Variants in SNX16 observed in about 807,000 individuals in gnomAD.
The protein encoded by SNX16 is sorting nexin-16.
In SNX16, 35 loss-of-function variants were observed where a neutral mutation model predicts 36.7. The ratio of observed to expected loss-of-function variants is 0.95; its 90% CI spans 0.73 to 1.27. The LOEUF (loss-of-function observed/expected upper bound fraction) is 1.27, where lower values mean the gene tolerates loss of function less well. Among genes scored for constraint, SNX16 ranks in the 50% most tolerant of loss-of-function variants. The pLI, the probability that SNX16 is intolerant of heterozygous loss-of-function variation, is 0.00. For synonymous variants in SNX16, 134 were observed against 132.0 expected (o/e 1.02, Z -0.10); for missense variants, 367 against 393.6 (o/e 0.93, Z 0.57).
intron 5 of SNX16, among the ~76,000 whole-genome samples, chr8:81,803,839 G>C (rs1809815332): frequency 6.6e-6 from 1 of 151,672 alleles, no homozygotes. Context: ...CATCAAGAAA[G>C]ATTGTTTGTC....
chr8:81,834,973 A>G (rs542484620), intron 2 of SNX16, among the ~76,000 whole-genome samples: 2 of 152,308 alleles, frequency 1.3e-5, no homozygotes, highest in African/African-American at 4.8e-5. Flanking sequence ...TCCCTTCCAC[A>G]CAGCCCTAGC....
chr8:81,800,349 T>C lies in SNX16; in HGVS notation c.*1148A>G, dbSNP rs932308836. On this transcript the variant is annotated 3_prime_UTR_variant, in exon 8 of 8. Coordinates refer to ENST00000345957, the MANE Select transcript of SNX16 (RefSeq NM_152836.3). Reference sequence around the variant, plus strand: ...TAAAAATGAAACAAGGCACTTTTAATGACTGTACACAAAGCTGAAATAAAC... The same window carrying C: ...TAAAAATGAAACAAGGCACTTTTAACGACTGTACACAAAGCTGAAATAAAC... 1 of 152,002 alleles carries C rather than the reference T, an allele frequency of 6.6e-6. No homozygotes were observed. The highest frequency in any genetic ancestry group is 1.5e-5 in the Non-Finnish European group (1 of 67,754). 9.4% of individuals were successfully genotyped at this position (152,002 alleles called of 1,614,324 possible).
rs1382328988 is a variant in SNX16 at position 81,827,143 on chromosome 8, G to GT, written c.462+2286_462+2287insA. On this transcript the variant is annotated intron_variant, in intron 3 of 7. Transcript: ENST00000345957. The stretch of plus-strand genomic sequence containing the variant: ...ATTAATTTTAAATGCCCATCTTGGA[G>GT]GATCAAGGAGATATTTACTAAATTT... 2.9e-3 allele frequency among the ~76,000 whole-genome samples: 447 copies of GT among 152,116 alleles called. 2 individuals are homozygous for GT. Among genetic ancestry groups the GT allele is most frequent in the African/African-American group, 0.01 (432 of 41,516 alleles).
intron 3 of SNX16, among the ~76,000 whole-genome samples, chr8:81,825,639 T>G (rs1810980883): frequency 6.6e-6 from 1 of 152,184 alleles, no homozygotes; most frequent in Admixed American, 6.5e-5. Flanking sequence ...CAACAATATA[T>G]GTTCAATAAA....
intron 5 of SNX16, among the ~76,000 whole-genome samples, chr8:81,805,213 TA>T (rs1379898709): frequency 1.3e-5 from 2 of 151,772 alleles, no homozygotes; most frequent in Admixed American, 1.3e-4. Flanking sequence ...GCAAATAGAC[TA>T]AAAAACAGTC....
intron 2 of SNX16, among the ~76,000 whole-genome samples, chr8:81,838,947 G>A (rs955100837): frequency 6.6e-6 from 1 of 151,878 alleles, no homozygotes; most frequent in South Asian, 2.1e-4. Context: ...CAAAAATCAT[G>A]CACAGATATT....
intron 2 of SNX16, 100 bp from the exon 3 acceptor site, chr8:81,829,616 G>C (rs1811163337): frequency 4.7e-6 from 2 of 422,248 alleles, no homozygotes; most frequent in Non-Finnish European, 8.2e-6. Flanking sequence ...TGATAACCCA[G>C]ACTATAACAA....
chr8:81,831,809 TA>T (rs948612359), intron 2 of SNX16, among the ~76,000 whole-genome samples: 6 of 146,418 alleles, frequency 4.1e-5, no homozygotes, highest in South Asian at 2.1e-4. Context: ...CTAAGAAACA[TA>T]AAAAAAATGC....
At chr8:81,805,039 T>C (rs1809868914) in intron 5 of SNX16, among the ~76,000 whole-genome samples, 1 of 152,080 alleles carries the variant, frequency 6.6e-6, no homozygotes. Flanking sequence ...ATGATGAACA[T>C]ATATTGAACT....
At chr8:81,814,794 C>A (rs1810405459) in intron 5 of SNX16, 2 of 152,052 alleles carry the variant, frequency 1.3e-5, no homozygotes, top group African/African-American at 4.8e-5. Context: ...AAAAAACTTG[C>A]ATAAAATCCT....
At chr8:81,808,128 T>A in intron 5 of SNX16, 2 of 1,255,474 alleles carry the variant, frequency 1.6e-6, no homozygotes, top group Non-Finnish European at 2.3e-6. Flanking sequence ...CTGAAGAACA[T>A]CACCTAAGAG....
At chr8:81,820,589 A>ACC (rs200785452) in intron 4 of SNX16, among the ~76,000 whole-genome samples, 5,163 of 152,046 alleles carry the variant, frequency 0.034, 140 homozygotes, top group Non-Finnish European at 0.052. Context: ...CAGACTTTCT[A>ACC]TATACTTTCT....
chr8:81,827,983 T>C (rs1043912745), intron 3 of SNX16, among the ~76,000 whole-genome samples: 3 of 152,152 alleles, frequency 2.0e-5, no homozygotes, highest in Non-Finnish European at 4.4e-5. Flanking sequence ...TTCCAAAATA[T>C]CACACCCTCT....
At chr8:81,819,893 A>G (rs1810656797) in intron 4 of SNX16, among the ~76,000 whole-genome samples, 2 of 152,092 alleles carry the variant, frequency 1.3e-5, no homozygotes, top group African/African-American at 2.4e-5. Context: ...GAGAATATGT[A>G]GCATTAAGGG....
At chr8:81,829,860 G>A (rs1304478660) in intron 2 of SNX16, among the ~76,000 whole-genome samples, 1 of 152,036 alleles carries the variant, frequency 6.6e-6, no homozygotes. Flanking sequence ...AGCCACTTTT[G>A]TTCTACACAA....
intron 5 of SNX16, among the ~76,000 whole-genome samples, chr8:81,811,931 T>C (rs909300943): frequency 2.0e-5 from 3 of 151,966 alleles, no homozygotes; most frequent in Non-Finnish European, 4.4e-5. Context: ...ATGATAAGGA[T>C]AATGATAATG....
At chr8:81,804,403 G>A (rs1809842614) in intron 5 of SNX16, among the ~76,000 whole-genome samples, 1 of 151,968 alleles carries the variant, frequency 6.6e-6, no homozygotes, top group Admixed American at 6.6e-5. Flanking sequence ...AATAATGATG[G>A]CCAACTTTGA....
intron 4 of SNX16, among the ~76,000 whole-genome samples, chr8:81,822,183 G>A (rs1195688990): frequency 6.6e-6 from 1 of 152,052 alleles, no homozygotes; most frequent in Non-Finnish European, 1.5e-5. Flanking sequence ...GTGGTGAGTG[G>A]TCAGTCAGGA....
chr8:81,825,098 T>G lies in SNX16; in HGVS notation c.463-1158A>C, dbSNP rs75307016. The stretch of plus-strand genomic sequence containing the variant: ...GAATGAAACTGTGCACTTCTTGTAA[T>G]CTAGGCTTAAAACTCACACAGCATT... On this transcript the variant is annotated intron_variant, in intron 3 of 7. Coordinates refer to ENST00000345957, the MANE Select transcript of SNX16 (RefSeq NM_152836.3). Among the ~76,000 whole-genome samples, 77 of 152,292 alleles carry G rather than the reference T, an allele frequency of 5.1e-4. No homozygotes were observed. The East Asian group carries it at 0.012, about 24-fold the overall frequency.
Sources: allele counts gnomAD v4.1 joint callset (sites outside exome capture counted in the v4.1 genomes callset), GRCh38; gene constraint gnomAD v4.1.1; transcripts MANE v1.5; gene names NCBI Gene and HGNC (gene_info 2026-07-23, HGNC 2026-07-21).